The following CNTN1 variants were observed in gnomAD, a reference collection of about 807,000 sequenced individuals.
CNTN1 encodes contactin-1.
CNTN1 carries 38 observed loss-of-function variants against 126.4 expected under a neutral mutation model. The ratio of observed to expected loss-of-function variants is 0.30; its 90% CI spans 0.23 to 0.39. The LOEUF is 0.39. CNTN1 is among the 10% of genes least tolerant of loss of function. CNTN1 has a pLI of 1.00. For missense variants in CNTN1, 1,009 were observed against 1,248.4 expected (o/e 0.81, Z 2.89); for synonymous variants, 413 against 422.6 (o/e 0.98, Z 0.28).
At chr12:40,795,126 G>C (rs1478714864) in intron 1 of CNTN1, among the ~76,000 whole-genome samples, 1 of 152,032 alleles carries the variant, frequency 6.6e-6, no homozygotes, top group Non-Finnish European at 1.5e-5. Flanking sequence ...TCAGATAAGA[G>C]AAAATTCTGC....
intron 19 of CNTN1, among the ~76,000 whole-genome samples, chr12:41,017,761 G>T (rs1948813502): frequency 1.3e-5 from 2 of 151,944 alleles, no homozygotes; most frequent in South Asian, 4.1e-4. Flanking sequence ...TTCTGTTTAA[G>T]CTGCTATACT....
intron 1 of CNTN1, among the ~76,000 whole-genome samples, chr12:40,754,611 A>T (rs748411477): frequency 2.6e-5 from 4 of 151,984 alleles, no homozygotes; most frequent in African/African-American, 7.2e-5. Flanking sequence ...TTAATCATGC[A>T]TTGCCAGGTT....
At chr12:40,973,076 C>T (rs926152692) in intron 15 of CNTN1, among the ~76,000 whole-genome samples, 3 of 151,964 alleles carry the variant, frequency 2.0e-5, no homozygotes, top group African/African-American at 7.2e-5. Flanking sequence ...GAAGGACAAC[C>T]TTAAACTATA....
intron 23 of CNTN1, among the ~76,000 whole-genome samples, chr12:41,043,875 C>A (rs1246704404): frequency 6.7e-6 from 1 of 149,416 alleles, no homozygotes; most frequent in African/African-American, 2.5e-5. Context: ...TGGAAATCAT[C>A]ATTCTCAGTA....
At chr12:40,901,103 T>C (rs1462040539) in intron 1 of CNTN1, among the ~76,000 whole-genome samples, 1 of 152,242 alleles carries the variant, frequency 6.6e-6, no homozygotes, top group Non-Finnish European at 1.5e-5. Context: ...TATCTGATCC[T>C]GACCAAATCT....
At chr12:41,023,571 C>T (rs1948973563) in intron 20 of CNTN1, among the ~76,000 whole-genome samples, 1 of 152,142 alleles carries the variant, frequency 6.6e-6, no homozygotes, top group African/African-American at 2.4e-5. Context: ...AAAATATTCA[C>T]TTAATTAATT....
At chr12:40,786,520 G>A (rs966653822) in intron 1 of CNTN1, among the ~76,000 whole-genome samples, 2 of 152,062 alleles carry the variant, frequency 1.3e-5, no homozygotes, top group South Asian at 2.1e-4. Context: ...ATGGCTGAAG[G>A]GACTTATAAG....
intron 1 of CNTN1, among the ~76,000 whole-genome samples, chr12:40,748,706 C>T (rs1938279679): frequency 6.6e-6 from 1 of 151,788 alleles, no homozygotes; most frequent in African/African-American, 2.4e-5. Flanking sequence ...GTGTTTGTTC[C>T]TAAAGTCTTT....
intron 1 of CNTN1, among the ~76,000 whole-genome samples, chr12:40,870,531 T>C (rs1251023277): frequency 6.6e-6 from 1 of 152,164 alleles, no homozygotes; most frequent in Non-Finnish European, 1.5e-5. Context: ...GATAATAGAT[T>C]TTCATTTCCA....
chr12:41,006,946 G>A (rs961842689), intron 17 of CNTN1, among the ~76,000 whole-genome samples: 2 of 151,446 alleles, frequency 1.3e-5, no homozygotes, highest in Non-Finnish European at 2.9e-5. Context: ...ATCCAATAAG[G>A]TACAGTGCTT....
At chr12:40,824,346 C>G (rs1941541520) in intron 1 of CNTN1, among the ~76,000 whole-genome samples, 1 of 152,024 alleles carries the variant, frequency 6.6e-6, no homozygotes, top group Non-Finnish European at 1.5e-5. Context: ...CCTGGAAATG[C>G]CTTCAAGCCT....
At chr12:41,024,155 G>A (rs1948987490) in intron 20 of CNTN1, among the ~76,000 whole-genome samples, 1 of 152,092 alleles carries the variant, frequency 6.6e-6, no homozygotes, top group South Asian at 2.1e-4. Context: ...CCATCCTGTT[G>A]CACTTCATAA....
At chr12:40,738,766 A>C (rs1428454460) in intron 1 of CNTN1, among the ~76,000 whole-genome samples, 1 of 152,082 alleles carries the variant, frequency 6.6e-6, no homozygotes, top group African/African-American at 2.4e-5. Flanking sequence ...AATGCAAAAT[A>C]AAACTACAGA....
chr12:40,925,873 T>C (rs1945664267), intron 6 of CNTN1, among the ~76,000 whole-genome samples: 1 of 145,526 alleles, frequency 6.9e-6, no homozygotes, highest in African/African-American at 2.5e-5. Context: ...TATATGTATA[T>C]ATACATATTT....
intron 1 of CNTN1, among the ~76,000 whole-genome samples, chr12:40,834,930 G>T (rs1941992523): frequency 6.6e-6 from 1 of 151,860 alleles, no homozygotes; most frequent in African/African-American, 2.4e-5. Flanking sequence ...CCTAGTTTTG[G>T]GTTTCCTATA....
chr12:40,930,009 A>G lies in CNTN1; in HGVS notation c.703+7A>G, dbSNP rs762232466. The G allele has an allele frequency of 1.3e-6, 2 of 1,597,662 alleles. No homozygotes were observed. Among genetic ancestry groups the G allele is most frequent in the East Asian group, 2.2e-5 (1 of 44,754 alleles). ...CTCATTCCAATACCTGAACGTAAGT[A>G]TTTTATTTGTTACACTCTGTTTTCG... is the stretch of plus-strand genomic sequence containing the variant. On this transcript the variant is annotated splice_region_variant and intron_variant, in intron 7 of 23. Coordinates refer to ENST00000551295, the MANE Select transcript of CNTN1 (RefSeq NM_001843.4).
intron 1 of CNTN1, among the ~76,000 whole-genome samples, chr12:40,847,386 A>G (rs78171321): frequency 0.099 from 15,048 of 152,042 alleles, 878 homozygotes; most frequent in Non-Finnish European, 0.13. Flanking sequence ...TATATTTTTT[A>G]TTTTTATCTT....
rs185191422 is a variant in CNTN1, at chr12:40,792,794, A to C, written c.-77+100202A>C. Among the ~76,000 whole-genome samples the C allele has an allele frequency of 2.6e-5, 4 of 152,188 alleles. No individual in the cohort carries two copies. In the East Asian group the frequency reaches 7.7e-4, roughly 29 times the overall value. On this transcript the variant is annotated intron_variant, in intron 1 of 23. Coordinates refer to ENST00000551295, the MANE Select transcript of CNTN1 (RefSeq NM_001843.4). Reference sequence around the variant, plus strand: ...TTCCTTGCATATAGTTTTTTAGGAAATGTTATTCATTTGTGTATTCATTAA... The same window carrying C: ...TTCCTTGCATATAGTTTTTTAGGAACTGTTATTCATTTGTGTATTCATTAA...
chr12:40,957,777 A>C (rs1437262747), intron 14 of CNTN1, among the ~76,000 whole-genome samples: 1 of 151,948 alleles, frequency 6.6e-6, no homozygotes, highest in Non-Finnish European at 1.5e-5. Flanking sequence ...TCAAGGATTA[A>C]GGTGTGTGGC....
Sources: gnomAD v4.1 joint callset for allele counts (sites outside exome capture counted in the v4.1 genomes callset) on GRCh38, gnomAD v4.1.1 for gene constraint, MANE v1.5 for transcripts, NCBI Gene and HGNC (gene_info 2026-07-23, HGNC 2026-07-21) for gene names.